SORCS3: variants seen among roughly 807,000 people sequenced by gnomAD.
SORCS3 encodes VPS10 domain-containing receptor SorCS3.
SORCS3 carries 57 observed loss-of-function variants against 146.3 expected under a neutral mutation model. That is an observed-to-expected ratio of 0.39 (90% confidence interval 0.31 to 0.49). The LOEUF is 0.49. Among genes scored for constraint, SORCS3 ranks in the 20% least tolerant of loss-of-function variants. SORCS3 has a pLI of 0.92. For synonymous variants in SORCS3, 653 were observed against 618.5 expected (o/e 1.06, Z -0.83); for missense variants, 1,341 against 1,575.5 (o/e 0.85, Z 2.52).
chr10:105,120,025 A>G (rs966764050), intron 7 of SORCS3, among the ~76,000 whole-genome samples: 2 of 152,180 alleles, frequency 1.3e-5, no homozygotes, highest in Non-Finnish European at 2.9e-5. Context: ...CTGTGTCTTC[A>G]TCCAAATTTC....
At chr10:104,847,762 GCACC>G (rs2018223133) in intron 2 of SORCS3, among the ~76,000 whole-genome samples, 1 of 152,060 alleles carries the variant, frequency 6.6e-6, no homozygotes, top group Non-Finnish European at 1.5e-5. Context: ...TTGCTTTATT[GCACC>G]CACCCTTAGC....
At chr10:104,651,951 A>G (rs2015566574) in intron 1 of SORCS3, among the ~76,000 whole-genome samples, 1 of 152,114 alleles carries the variant, frequency 6.6e-6, no homozygotes, top group Non-Finnish European at 1.5e-5. Flanking sequence ...TGATGGATAA[A>G]TATCTAGCCC....
At chr10:105,246,969 T>C (rs1250577672) in intron 21 of SORCS3, among the ~76,000 whole-genome samples, 1 of 152,186 alleles carries the variant, frequency 6.6e-6, no homozygotes, top group Non-Finnish European at 1.5e-5. Context: ...TTTCAGATAA[T>C]ATACAGGAAG....
At chr10:104,756,400 G>A (rs1305012703) in intron 1 of SORCS3, among the ~76,000 whole-genome samples, 1 of 152,168 alleles carries the variant, frequency 6.6e-6, no homozygotes, top group Non-Finnish European at 1.5e-5. Context: ...ACCTGCCTTG[G>A]TTTATTTTTA....
intron 5 of SORCS3, among the ~76,000 whole-genome samples, chr10:105,053,249 G>T (rs1192009962): frequency 6.6e-6 from 1 of 151,560 alleles, no homozygotes; most frequent in Non-Finnish European, 1.5e-5. Flanking sequence ...TTTTTTTTTG[G>T]AGAGATACAA....
intron 5 of SORCS3, among the ~76,000 whole-genome samples, chr10:105,051,763 A>T (rs1394699847): frequency 6.6e-6 from 1 of 152,174 alleles, no homozygotes; most frequent in Non-Finnish European, 1.5e-5. Context: ...TCAGATTTTA[A>T]GGCTATTGCA....
chr10:105,121,314 T>C (rs1263672460), intron 7 of SORCS3, among the ~76,000 whole-genome samples: 1 of 152,204 alleles, frequency 6.6e-6, no homozygotes, highest in Non-Finnish European at 1.5e-5. Context: ...TTAATAAAAC[T>C]TTAATCTTCA....
intron 1 of SORCS3, among the ~76,000 whole-genome samples, chr10:104,661,796 A>T (rs1055679067): frequency 1.3e-5 from 2 of 152,234 alleles, no homozygotes; most frequent in African/African-American, 4.8e-5. Context: ...GTGATCGATG[A>T]TGAACAAGAA....
chr10:104,987,989 C>T (rs916313045), intron 4 of SORCS3, among the ~76,000 whole-genome samples: 1 of 152,206 alleles, frequency 6.6e-6, no homozygotes, highest in Non-Finnish European at 1.5e-5. Flanking sequence ...AATAGAGATA[C>T]ATGTCCTGAA....
chr10:105,084,019 G>A (rs149447138), intron 5 of SORCS3, among the ~76,000 whole-genome samples: 3 of 152,234 alleles, frequency 2.0e-5, no homozygotes, highest in East Asian at 1.9e-4. Context: ...TTGTTGCTTC[G>A]TGGCTACATG....
chr10:105,220,021 T>C (rs1433153225), intron 19 of SORCS3, among the ~76,000 whole-genome samples: 1 of 152,216 alleles, frequency 6.6e-6, no homozygotes, highest in Admixed American at 6.5e-5. Context: ...CCCTGGGCCA[T>C]TAGCTAACAA....
At chr10:105,243,009 TTA>T (rs1395563682) in intron 20 of SORCS3, among the ~76,000 whole-genome samples, 5 of 130,804 alleles carry the variant, frequency 3.8e-5, no homozygotes, top group Admixed American at 9.2e-5. Flanking sequence ...ACATGTATTT[TTA>T]TATATATTTA....
chr10:105,176,760 C>A (rs2056407495), intron 13 of SORCS3, among the ~76,000 whole-genome samples: 1 of 151,942 alleles, frequency 6.6e-6, no homozygotes, highest in Non-Finnish European at 1.5e-5. Context: ...GAGGCTGAGG[C>A]AGGAGAATCA....
chr10:105,050,036 T>C (rs147487626), intron 5 of SORCS3, among the ~76,000 whole-genome samples: 6 of 149,226 alleles, frequency 4.0e-5, no homozygotes, highest in Non-Finnish European at 7.5e-5. Context: ...TATATATACA[T>C]ACACACACAC....
chr10:104,991,502 CCTT>C (rs2054994045), intron 4 of SORCS3, among the ~76,000 whole-genome samples: 3 of 140,418 alleles, frequency 2.1e-5, no homozygotes, highest in Non-Finnish European at 1.5e-5. Flanking sequence ...TCCTCTTCTT[CCTT>C]TTTTTTTTTT....
intron 13 of SORCS3, among the ~76,000 whole-genome samples, chr10:105,171,920 A>G (rs1479784784): frequency 2.0e-5 from 3 of 152,316 alleles, no homozygotes; most frequent in Non-Finnish European, 4.4e-5. Flanking sequence ...TACCTGGTGT[A>G]GCTGATAGTT....
chr10:104,863,239 T>C (rs1383021493), intron 2 of SORCS3, among the ~76,000 whole-genome samples: 1 of 152,304 alleles, frequency 6.6e-6, no homozygotes, highest in East Asian at 1.9e-4. Context: ...CTTCAGAGTT[T>C]GGAACCCAGT....
intron 5 of SORCS3, among the ~76,000 whole-genome samples, chr10:105,085,866 A>G (rs1351940187): frequency 2.6e-5 from 4 of 152,074 alleles, no homozygotes; most frequent in African/African-American, 4.8e-5. Context: ...AGCTGCACAC[A>G]TGTGCATGAA....
chr10:105,046,344 A>G (rs1313225266), intron 5 of SORCS3, among the ~76,000 whole-genome samples: 1 of 152,046 alleles, frequency 6.6e-6, no homozygotes, highest in Non-Finnish European at 1.5e-5. Flanking sequence ...GCACATTTGC[A>G]AGTGTCTAAA....
Sources: allele counts gnomAD v4.1 joint callset (sites outside exome capture counted in the v4.1 genomes callset), GRCh38; gene constraint gnomAD v4.1.1; transcripts MANE v1.5; gene names NCBI Gene and HGNC (gene_info 2026-07-23, HGNC 2026-07-21).